TENM2: variants seen among roughly 807,000 people sequenced by gnomAD.
The protein encoded by TENM2 is teneurin-2.
A neutral mutation model predicts 245.2 loss-of-function variants in TENM2; 52 were observed. That is an observed-to-expected ratio of 0.21 (90% confidence interval 0.17 to 0.27). The LOEUF (loss-of-function observed/expected upper bound fraction) is 0.27, where lower values mean the gene tolerates loss of function less well. Among genes scored for constraint, TENM2 ranks in the 10% least tolerant of loss-of-function variants. TENM2 has a pLI of 1.00. For synonymous variants in TENM2, 1,363 were observed against 1,438.9 expected, an observed-to-expected ratio of 0.95 and a Z score of 1.19; for missense variants, 3,046 against 3,666.8, an observed-to-expected ratio of 0.83 and a Z score of 4.37.
At chr5:167,155,697 A>G in the TENM2 span, among the ~76,000 whole-genome samples, 15 of 152,236 alleles carry the variant, frequency 9.9e-5, no homozygotes, top group Admixed American at 3.3e-4. Context: ...GGATTTACAC[A>G]AAATGAAATA....
the TENM2 span, among the ~76,000 whole-genome samples, chr5:167,128,806 A>T: frequency 6.6e-6 from 1 of 152,200 alleles, no homozygotes; most frequent in Non-Finnish European, 1.5e-5. Context: ...CAGAACAGAG[A>T]TCATGTTACA....
At chr5:167,444,298 T>TACACATAC (rs1765036261) in intron 2 of TENM2, among the ~76,000 whole-genome samples, 1 of 150,396 alleles carries the variant, frequency 6.6e-6, no homozygotes, top group East Asian at 2.0e-4. Flanking sequence ...CACATACACA[T>TACACATAC]ACACACACAC....
chr5:167,729,454 T>C (rs1760262951), intron 2 of TENM2, among the ~76,000 whole-genome samples: 3 of 152,200 alleles, frequency 2.0e-5, no homozygotes, highest in Admixed American at 2.0e-4. Context: ...TTATTGAAAT[T>C]AATACCCTTA....
At chr5:167,646,111 C>CATATATATGTGCATATATATGTTTTTAT (rs1779912199) in intron 2 of TENM2, among the ~76,000 whole-genome samples, 1 of 146,334 alleles carries the variant, frequency 6.8e-6, no homozygotes, top group Non-Finnish European at 1.5e-5. Flanking sequence ...TACACACACA[C>CATATATATGTGCATATATATGTTTTTAT]ATATATATGT....
At chr5:168,225,117 G>A (rs1764039006) in intron 23 of TENM2, among the ~76,000 whole-genome samples, 1 of 152,200 alleles carries the variant, frequency 6.6e-6, no homozygotes, top group East Asian at 1.9e-4. Context: ...AACTGCTGAT[G>A]GTAAGGGAGT....
Position 167,901,422 on chromosome 5 carries a change from A to C in TENM2, c.712+25227A>C, listed in dbSNP as rs116236521. Among the ~76,000 whole-genome samples the C allele has an allele frequency of 5.2e-3, 798 of 152,288 alleles. 3 individuals carry two copies. The highest frequency in any genetic ancestry group is 9.2e-3 in the Non-Finnish European group (625 of 68,016). On this transcript the variant is annotated intron_variant, in intron 3 of 28. Coordinates refer to ENST00000518659, the Ensembl canonical transcript of TENM2. ...CCAGGCTGAGCTATTACCTAAGGACACTTCTATCATATGGAAACATACAGC... is the reference window on the plus strand; with the variant it reads ...CCAGGCTGAGCTATTACCTAAGGACCCTTCTATCATATGGAAACATACAGC...
At chr5:167,348,253 C>T (rs2127833058) in intron 1 of TENM2, among the ~76,000 whole-genome samples, 1 of 152,296 alleles carries the variant, frequency 6.6e-6, no homozygotes, top group East Asian at 1.9e-4. Context: ...GTTTGGGAAT[C>T]CCCCTAGGTA....
At chr5:167,515,660 C>CGTATATATATACACATATATAT (rs1770309890) in intron 2 of TENM2, among the ~76,000 whole-genome samples, 2 of 86,806 alleles carry the variant, frequency 2.3e-5, no homozygotes, top group African/African-American at 9.3e-5. Context: ...CACATATATA[C>CGTATATATATACACATATATAT]GTATATATGT....
chr5:167,808,366 T>C (rs1357233368), intron 2 of TENM2, among the ~76,000 whole-genome samples: 1 of 152,190 alleles, frequency 6.6e-6, no homozygotes, highest in Non-Finnish European at 1.5e-5. Flanking sequence ...TTCAAGCGAT[T>C]TTCCTGCCTC....
intron 2 of TENM2, among the ~76,000 whole-genome samples, chr5:167,553,356 A>G (rs916196972): frequency 6.8e-4 from 104 of 152,184 alleles, no homozygotes; most frequent in Non-Finnish European, 1.3e-3. Context: ...CAGGACCTAA[A>G]CTTTTGATAG....
chr5:167,758,930 C>G (rs1282933244), intron 2 of TENM2, among the ~76,000 whole-genome samples: 1 of 151,950 alleles, frequency 6.6e-6, no homozygotes, highest in African/African-American at 2.4e-5. Flanking sequence ...CTCCTTAACC[C>G]TATTCTATTT....
At chr5:167,272,153 C>T in the TENM2 span, among the ~76,000 whole-genome samples, 1 of 152,158 alleles carries the variant, frequency 6.6e-6, no homozygotes, top group Non-Finnish European at 1.5e-5. Context: ...CATCCCCTAT[C>T]TCAGCTTCTC....
At chr5:168,095,244 C>T (rs1190231738) in intron 8 of TENM2, among the ~76,000 whole-genome samples, 1 of 152,060 alleles carries the variant, frequency 6.6e-6, no homozygotes, top group African/African-American at 2.4e-5. Flanking sequence ...GGTTGGGGAC[C>T]GCTGGTCTAC....
intron 3 of TENM2, among the ~76,000 whole-genome samples, chr5:167,935,424 GTTAAT>G (rs1778626561): frequency 6.6e-6 from 1 of 152,154 alleles, no homozygotes; most frequent in African/African-American, 2.4e-5. Flanking sequence ...AGACAGCTAT[GTTAAT>G]TACACCACAC....
At chr5:167,677,774 T>C (rs1350686219) in intron 2 of TENM2, among the ~76,000 whole-genome samples, 1 of 149,926 alleles carries the variant, frequency 6.7e-6, no homozygotes, top group Non-Finnish European at 1.5e-5. Flanking sequence ...CAGAAAATAC[T>C]ATAAACCTAT....
At chr5:167,124,252 A>T in the TENM2 span, among the ~76,000 whole-genome samples, 1 of 152,348 alleles carries the variant, frequency 6.6e-6, no homozygotes, top group South Asian at 2.1e-4. Context: ...CAGAAACCAT[A>T]AAAGTTTTTG....
intron 3 of TENM2, chr5:167,938,450 T>C (rs1391705265): frequency 6.6e-6 from 1 of 152,062 alleles, no homozygotes; most frequent in East Asian, 1.9e-4. Context: ...ACAACATACA[T>C]GGAAAAGTAA....
intron 2 of TENM2, among the ~76,000 whole-genome samples, chr5:167,469,251 G>A (rs1444898086): frequency 6.6e-6 from 1 of 152,036 alleles, no homozygotes; most frequent in East Asian, 1.9e-4. Context: ...ATGTAATTAG[G>A]TTTTAATAAA....
intron 25 of TENM2, among the ~76,000 whole-genome samples, chr5:168,239,498 C>G (rs1447417691): frequency 6.6e-6 from 1 of 152,102 alleles, no homozygotes; most frequent in Non-Finnish European, 1.5e-5. Context: ...CCTCTCAGCT[C>G]TAAGTAACAG....
Sources: gnomAD v4.1 joint callset for allele counts (sites outside exome capture counted in the v4.1 genomes callset) on GRCh38, gnomAD v4.1.1 for gene constraint, MANE v1.5 for transcripts, NCBI Gene and HGNC (gene_info 2026-07-23, HGNC 2026-07-21) for gene names.